LIMCH1: variants seen among roughly 807,000 people sequenced by gnomAD.
The protein encoded by LIMCH1 is LIM and calponin homology domains-containing protein 1.
In LIMCH1, 113 loss-of-function variants were observed where a neutral mutation model predicts 176.5. The observed-to-expected ratio is 0.64, with a 90% CI of 0.55 to 0.75. The LOEUF is 0.75. LIMCH1 is among the 30% of genes least tolerant of loss of function. LIMCH1 has a pLI of 0.00. For missense variants in LIMCH1, 1,674 were observed against 1,814.9 expected, an observed-to-expected ratio of 0.92 and a Z score of 1.41; for synonymous variants, 619 against 645.9, an observed-to-expected ratio of 0.96 and a Z score of 0.63.
At chr4:41,529,266 A>G (rs2077004332) in intron 3 of LIMCH1, among the ~76,000 whole-genome samples, 1 of 152,180 alleles carries the variant, frequency 6.6e-6, no homozygotes, top group South Asian at 2.1e-4. Context: ...GAATGTATGA[A>G]ATCTTTGCTT....
At chr4:41,360,446 G>A (rs542368961), upstream of LIMCH1, among the ~76,000 whole-genome samples, 79 of 152,146 alleles carry the variant, frequency 5.2e-4, no homozygotes, top group Non-Finnish European at 9.6e-4. The surrounding 1 kb of genome is among the most constrained non-coding windows in gnomAD (Gnocchi z 4.5). Flanking sequence ...GCGCAGGGAC[G>A]TGCGGGGCGG....
chr4:41,686,739 A>T (rs1311560812), intron 28 of LIMCH1, among the ~76,000 whole-genome samples: 1 of 152,192 alleles, frequency 6.6e-6, no homozygotes, highest in Non-Finnish European at 1.5e-5. Flanking sequence ...GTAGGTGATG[A>T]TGATGATAAC....
intron 1 of LIMCH1, among the ~76,000 whole-genome samples, chr4:41,457,815 T>TA (rs973257982): frequency 6.6e-6 from 1 of 152,064 alleles, no homozygotes; most frequent in African/African-American, 2.4e-5. Flanking sequence ...ACTGGAGATT[T>TA]AAAAAAAATC....
intron 22 of LIMCH1, among the ~76,000 whole-genome samples, chr4:41,674,463 T>C (rs769254208): frequency 2.0e-5 from 3 of 152,200 alleles, no homozygotes; most frequent in Non-Finnish European, 4.4e-5. Flanking sequence ...CCAACACCAT[T>C]AAATTCCGAT....
At chr4:41,493,891 G>A (rs1458609543) in intron 1 of LIMCH1, among the ~76,000 whole-genome samples, 2 of 152,116 alleles carry the variant, frequency 1.3e-5, no homozygotes, top group African/African-American at 2.4e-5. Context: ...TATTATTAAT[G>A]GATATTGGCT....
chr4:41,633,481 G>A, intron 12 of LIMCH1, 67 bp from the exon 13 acceptor site: 1 of 1,504,100 alleles, frequency 6.6e-7, no homozygotes, highest in South Asian at 1.2e-5. Flanking sequence ...ACGCCAGTGA[G>A]TGACACTACT....
At chr4:41,587,452 C>T (rs1367544643) in intron 1 of LIMCH1, among the ~76,000 whole-genome samples, 1 of 152,122 alleles carries the variant, frequency 6.6e-6, no homozygotes, top group African/African-American at 2.4e-5. Context: ...GGGGTGCCAG[C>T]CTTCAATAAT....
At chr4:41,604,015 A>G in intron 3 of LIMCH1, 110 bp downstream of exon 3, 3 of 1,047,942 alleles carry the variant, frequency 2.9e-6, no homozygotes, top group Non-Finnish European at 2.9e-6. Flanking sequence ...AAAAAAGTAT[A>G]TGTGTATTTC....
At chr4:41,671,772 C>T (rs931772224) in intron 22 of LIMCH1, among the ~76,000 whole-genome samples, 178 bp downstream of exon 22, 2 of 148,764 alleles carry the variant, frequency 1.3e-5, no homozygotes, top group Non-Finnish European at 3.0e-5. Context: ...ATCAGGCTGA[C>T]TAACATGGTG....
intron 1 of LIMCH1, among the ~76,000 whole-genome samples, chr4:41,555,919 A>G (rs1296033076): frequency 6.6e-6 from 1 of 151,892 alleles, no homozygotes; most frequent in Admixed American, 6.6e-5. Context: ...TTTTTCTTGT[A>G]CTTTTTGTAG....
At chr4:41,397,972 A>T (rs2057986095) in intron 1 of LIMCH1, among the ~76,000 whole-genome samples, 1 of 152,100 alleles carries the variant, frequency 6.6e-6, no homozygotes, top group Non-Finnish European at 1.5e-5. Context: ...TATTTTAATG[A>T]TTGTACCCTG....
chr4:41,371,168 G>C (rs1014523529), intron 1 of LIMCH1, among the ~76,000 whole-genome samples: 5 of 152,152 alleles, frequency 3.3e-5, no homozygotes, highest in African/African-American at 1.2e-4. Flanking sequence ...AACCAAGCAG[G>C]TGACCTGCCT....
rs1283272519 is a variant in LIMCH1, at chr4:41,633,705, C to T, written c.1987C>T (p.Leu663Phe). 2 of 1,536,188 alleles carry T rather than the reference C, an allele frequency of 1.3e-6. No individual in the cohort carries two copies. The highest frequency in any genetic ancestry group is 4.9e-5 in the East Asian group (2 of 40,924). Reference protein sequence around the residue: ...DMMARRTGMSLRHTGSNPNQF... With the variant: ...DMMARRTGMSFRHTGSNPNQF... The stretch of plus-strand genomic sequence containing the variant: ...GATGGCCAGGAGAACTGGGATGTCC[C>T]TTAGACACACTGGATCCAACCCAAA... The change falls in exon 13 of 32, where the codon CTT becomes TTT. Residue 663 changes from leucine to phenylalanine, a missense_variant. Coordinates refer to ENST00000503057, the MANE Select transcript of LIMCH1 (RefSeq NM_001330672.2).
Position 41,646,142 on chromosome 4 carries a change from G to C in LIMCH1, c.2273G>C (p.Ser758Thr), listed in dbSNP as rs777337779. Residue 758 changes from serine (S) to threonine (T), a missense_variant, in exon 16 of 32, where the codon AGT becomes ACT. By Grantham distance (58) the Ser-to-Thr change is moderately conservative. Coordinates refer to ENST00000503057, the MANE Select transcript of LIMCH1 (RefSeq NM_001330672.2). ...KWQDDLARWK[S>T]RRRSVSQDLI... The stretch of plus-strand genomic sequence containing the variant: ...TGCCAGGACCTGGCTCGTTGGAAGA[G>C]TCGTAGAAGAAGTGTTTCTCAGGAC... The C allele has an allele frequency of 1.2e-6, 2 of 1,612,146 alleles. No homozygotes were observed. Among genetic ancestry groups the C allele is most frequent in the East Asian group, 2.2e-5 (1 of 44,880 alleles).
intron 23 of LIMCH1, among the ~76,000 whole-genome samples, chr4:41,676,713 A>T (rs533034209): frequency 6.6e-6 from 1 of 152,294 alleles, no homozygotes; most frequent in South Asian, 2.1e-4. Context: ...CCCTCCAAGT[A>T]TGGATAAGGG....
At chr4:41,523,469 C>T (rs2076319566) in intron 2 of LIMCH1, among the ~76,000 whole-genome samples, 1 of 152,100 alleles carries the variant, frequency 6.6e-6, no homozygotes, top group Non-Finnish European at 1.5e-5. Flanking sequence ...GTTTGTTGAC[C>T]TCTCAATTAT....
intron 1 of LIMCH1, among the ~76,000 whole-genome samples, chr4:41,462,962 CAT>C (rs543628906): frequency 3.9e-4 from 60 of 152,008 alleles, no homozygotes; most frequent in Non-Finnish European, 7.8e-4. Flanking sequence ...ATTGGTCTCT[CAT>C]GTGTAGTTTG....
intron 8 of LIMCH1, 43 bp from the exon 9 acceptor site, chr4:41,629,449 C>T: frequency 6.5e-7 from 1 of 1,530,218 alleles, no homozygotes; most frequent in Non-Finnish European, 8.7e-7. Context: ...CTTCCTTGAA[C>T]TTGATTTTTC....
intron 2 of LIMCH1, among the ~76,000 whole-genome samples, chr4:41,494,847 G>C (rs1218086657): frequency 6.6e-6 from 1 of 152,144 alleles, no homozygotes; most frequent in Non-Finnish European, 1.5e-5. Flanking sequence ...GGTAGCTGCT[G>C]TTCAGCTCCA....
Sources: gnomAD v4.1 joint callset for allele counts (sites outside exome capture counted in the v4.1 genomes callset) on GRCh38, gnomAD v4.1.1 for gene constraint, Gnocchi (gnomAD v3.1) non-coding constraint, MANE v1.5 for transcripts, NCBI Gene and HGNC (gene_info 2026-07-23, HGNC 2026-07-21) for gene names.